SLC25A51: variants seen among roughly 807,000 people sequenced by gnomAD.
SLC25A51 encodes mitochondrial nicotinamide adenine dinucleotide transporter SLC25A51.
SLC25A51 carries 11 observed loss-of-function variants against 19.1 expected under a neutral mutation model. That is an observed-to-expected ratio of 0.58 (90% confidence interval 0.36 to 0.96). SLC25A51 has a LOEUF of 0.96. SLC25A51 is among the 40% of genes least tolerant of loss of function. The pLI is 0.01. For missense variants in SLC25A51, 201 were observed against 365.4 expected (o/e 0.55, Z 3.67); for synonymous variants, 105 against 133.6 (o/e 0.79, Z 1.47).
intron 2 of SLC25A51, among the ~76,000 whole-genome samples, chr9:37,897,702 T>C (rs1031135542): frequency 1.3e-5 from 2 of 151,832 alleles, no homozygotes; most frequent in Non-Finnish European, 2.9e-5. Context: ...TATATTTTTC[T>C]TGACACCTGT....
intron 2 of SLC25A51, among the ~76,000 whole-genome samples, chr9:37,895,745 C>T (rs192561568): frequency 6.6e-6 from 1 of 151,754 alleles, no homozygotes; most frequent in African/African-American, 2.4e-5. Context: ...ATCTCAACTT[C>T]TAGATTTCAT....
At chr9:37,895,344 G>A (rs962098251) in intron 2 of SLC25A51, among the ~76,000 whole-genome samples, 7 of 151,136 alleles carry the variant, frequency 4.6e-5, no homozygotes, top group Non-Finnish European at 7.4e-5. Flanking sequence ...TGGAACTACA[G>A]GTATCCACCA....
chr9:37,894,601 C>T (rs886929539), intron 2 of SLC25A51, among the ~76,000 whole-genome samples: 1 of 152,118 alleles, frequency 6.6e-6, no homozygotes, highest in Non-Finnish European at 1.5e-5. Context: ...GCAGGGATTA[C>T]AGGTATGAGC....
At chr9:37,890,246 T>C (rs1001649311) in intron 2 of SLC25A51, among the ~76,000 whole-genome samples, 13 of 152,098 alleles carry the variant, frequency 8.5e-5, no homozygotes, top group Admixed American at 5.9e-4. Context: ...TAGCTGGGCA[T>C]GGTAGCACAT....
downstream of SLC25A51, among the ~76,000 whole-genome samples, chr9:37,884,935 C>A (rs1355971354): frequency 6.6e-6 from 1 of 152,212 alleles, no homozygotes; most frequent in Non-Finnish European, 1.5e-5. Context: ...ACTTTCATAG[C>A]TCCTTGATCT....
At chr9:37,899,771 G>A (rs538356674) in intron 2 of SLC25A51, 58 bp downstream of exon 2, 212 of 103,448 alleles carry the variant, frequency 2.0e-3, no homozygotes, top group Middle Eastern at 8.3e-3. Flanking sequence ...CCATCATACT[G>A]TAGAACAATT....
chr9:37,903,176 G>A (rs1349553517), intron 1 of SLC25A51, among the ~76,000 whole-genome samples: 2 of 152,148 alleles, frequency 1.3e-5, no homozygotes, highest in African/African-American at 4.8e-5. Flanking sequence ...GACCTCAAGA[G>A]TCCTAGCACC....
downstream of SLC25A51, chr9:37,879,353 C>A: frequency 5.2e-6 from 1 of 190,928 alleles, no homozygotes; most frequent in South Asian, 1.3e-4. Context: ...CTCGGCTATT[C>A]AACCATACTT....
downstream of SLC25A51, chr9:37,879,394 C>CA (rs1418830182): frequency 8.6e-5 from 16 of 186,448 alleles, no homozygotes; most frequent in African/African-American, 3.5e-4. Context: ...GTTTGCTACT[C>CA]AGATATTTGG....
chr9:37,891,696 G>A (rs1028524037), intron 2 of SLC25A51, among the ~76,000 whole-genome samples: 8 of 152,108 alleles, frequency 5.3e-5, no homozygotes, highest in African/African-American at 1.9e-4. Flanking sequence ...CTAATCGCAA[G>A]TTCCCAGCGA....
chr9:37,891,883 T>TAC (rs1234504951), intron 2 of SLC25A51, among the ~76,000 whole-genome samples: 7 of 127,308 alleles, frequency 5.5e-5, no homozygotes, highest in Admixed American at 3.3e-4. Flanking sequence ...TATATATATA[T>TAC]ACACACAACT....
downstream of SLC25A51, chr9:37,885,884 C>G (rs535871464): frequency 6.4e-4 from 1,023 of 1,598,402 alleles, 15 homozygotes; most frequent in South Asian, 0.011. Flanking sequence ...GCAAACCCCC[C>G]CCTCCCCATA....
chr9:37,894,998 GTCT>G (rs1218764000), intron 2 of SLC25A51, among the ~76,000 whole-genome samples: 1 of 152,110 alleles, frequency 6.6e-6, no homozygotes, highest in Non-Finnish European at 1.5e-5. Flanking sequence ...TGTGTACCAC[GTCT>G]TCTTTATCCC....
At chr9:37,881,227 C>T (rs1480081993) in intron 3 of SLC25A51, among the ~76,000 whole-genome samples, 1 of 149,938 alleles carries the variant, frequency 6.7e-6, no homozygotes, top group Non-Finnish European at 1.5e-5. Flanking sequence ...ATGAAAAGCA[C>T]AAACATCCAG....
chr9:37,880,314 A>T (rs1173446228), exon 4 of SLC25A51: 1 of 152,142 alleles, frequency 6.6e-6, no homozygotes, highest in Non-Finnish European at 1.5e-5. Flanking sequence ...TCTCAAAAAA[A>T]AAAAAAAAAA....
At chr9:37,885,997 G>T, downstream of SLC25A51, 1 of 1,613,750 alleles carries the variant, frequency 6.2e-7, no homozygotes, top group Non-Finnish European at 8.5e-7. Context: ...TTGCCAATTG[G>T]TCTAATGACT....
chr9:37,882,282 T>A (rs1831363942), intron 2 of SLC25A51, among the ~76,000 whole-genome samples: 1 of 152,256 alleles, frequency 6.6e-6, no homozygotes, highest in Non-Finnish European at 1.5e-5. Context: ...CTTCATTTTA[T>A]GACTGCATAC....
chr9:37,892,709 G>C (rs1349180049), intron 2 of SLC25A51, among the ~76,000 whole-genome samples: 1 of 151,284 alleles, frequency 6.6e-6, no homozygotes, highest in East Asian at 1.9e-4. Context: ...GAGTACCTGG[G>C]ACTACAGGCA....
intron 2 of SLC25A51, among the ~76,000 whole-genome samples, chr9:37,897,057 G>C (rs1223198750): frequency 6.6e-6 from 1 of 152,076 alleles, no homozygotes; most frequent in East Asian, 1.9e-4. Flanking sequence ...TTTAAATACT[G>C]ATCATCTTTT....
Sources: allele counts gnomAD v4.1 joint callset (sites outside exome capture counted in the v4.1 genomes callset), GRCh38; gene constraint gnomAD v4.1.1; transcripts MANE v1.5; gene names NCBI Gene and HGNC (gene_info 2026-07-23, HGNC 2026-07-21).